Variants in POLN observed in about 807,000 individuals in gnomAD.
The protein encoded by POLN is DNA polymerase N.
POLN carries 108 observed loss-of-function variants against 113.5 expected under a neutral mutation model. That is an observed-to-expected ratio of 0.95 (90% CI 0.81 to 1.12). The LOEUF is 1.12. Ranked by LOEUF, POLN falls within the 50% of genes most tolerant of loss-of-function variation. POLN has a pLI of 0.00. For missense variants in POLN, 1,097 were observed against 1,077.1 expected (o/e 1.02, Z -0.26); for synonymous variants, 386 against 391.5 (o/e 0.99, Z 0.17).
chr4:2,156,999 T>C (rs1577728498), intron 15 of POLN, 146 bp from the exon 16 acceptor site: 2 of 674,852 alleles, frequency 3.0e-6, no homozygotes, highest in Admixed American at 2.7e-5. Flanking sequence ...AACCCTGAAA[T>C]GTCCTTGGGG....
At chr4:2,072,816 G>T in intron 25 of POLN, 152 bp downstream of exon 25, 1 of 770,530 alleles carries the variant, frequency 1.3e-6, no homozygotes, top group Non-Finnish European at 2.1e-6. Flanking sequence ...CCGGGCTTCA[G>T]GGACGGTCCA....
At chr4:2,241,187 G>A (rs1029335571) in intron 2 of POLN, 4 of 406,800 alleles carry the variant, frequency 9.8e-6, no homozygotes, top group East Asian at 4.5e-5. Context: ...ATCCGAGAGC[G>A]GGATAAATGA....
At position 2,155,896 on chromosome 4, in the gene POLN, G is replaced by A. The variant is rs139418563; in HGVS notation, c.1731+892C>T. On this transcript the variant is annotated intron_variant, in intron 16 of 25. Coordinates refer to ENST00000511885, the MANE Select transcript of POLN (RefSeq NM_181808.4). ...GTCACCCAGGCTGGAGTGCAGTGGCGTTATCTCGGCTCACTGCAAGCTCCG... is the reference window on the plus strand; with the variant it reads ...GTCACCCAGGCTGGAGTGCAGTGGCATTATCTCGGCTCACTGCAAGCTCCG... Among the ~76,000 whole-genome samples, 313 of 151,884 alleles carry A rather than the reference G, an allele frequency of 2.1e-3. 9 individuals carry two copies. The highest frequency in any genetic ancestry group is 5.3e-4 in the Non-Finnish European group (36 of 67,984).
At chr4:2,079,759 A>G (rs1464496359) in intron 23 of POLN, 16 of 784,936 alleles carry the variant, frequency 2.0e-5, no homozygotes, top group Non-Finnish European at 2.3e-5. Flanking sequence ...TAATTTTTGT[A>G]TTTTTAGTAG....
intron 19 of POLN, among the ~76,000 whole-genome samples, chr4:2,097,199 CA>C (rs1309500944): frequency 6.6e-6 from 1 of 152,138 alleles, no homozygotes; most frequent in Non-Finnish European, 1.5e-5. Flanking sequence ...TTCAGGCAGC[CA>C]CCAGACTGGT....
At chr4:2,144,905 A>T (rs989397821) in intron 16 of POLN, among the ~76,000 whole-genome samples, 2 of 152,218 alleles carry the variant, frequency 1.3e-5, no homozygotes, top group Non-Finnish European at 2.9e-5. Context: ...GGGAATACAC[A>T]TCTGTAATGA....
chr4:2,117,726 A>C (rs2108716515), intron 19 of POLN, among the ~76,000 whole-genome samples: 1 of 152,324 alleles, frequency 6.6e-6, no homozygotes, highest in East Asian at 1.9e-4. Context: ...GGCTTGGGCA[A>C]AGGTCCTGGA....
At chr4:2,180,882 T>G (rs773996053) in intron 7 of POLN, among the ~76,000 whole-genome samples, 2 of 151,616 alleles carry the variant, frequency 1.3e-5, no homozygotes, top group Non-Finnish European at 2.9e-5. Flanking sequence ...AAAATAAGAT[T>G]TAAAACAAAC....
At chr4:2,087,258 T>G (rs575247389) in intron 20 of POLN, among the ~76,000 whole-genome samples, 1 of 152,264 alleles carries the variant, frequency 6.6e-6, no homozygotes, top group African/African-American at 2.4e-5. Flanking sequence ...TTGTGATATA[T>G]TCACAAATAA....
In POLN at chr4:2,171,194, T is replaced by C. The variant is rs367807891; in HGVS notation, c.1375-13A>G. ...CCTTGAGACGAGCCTGAAAATATGA[T>C]ACACACAATTAATTTCATTCATAGT... On this transcript the variant is annotated splice_polypyrimidine_tract_variant and intron_variant, in intron 11 of 25. Coordinates refer to ENST00000511885, the MANE Select transcript of POLN (RefSeq NM_181808.4). 3 of 1,589,744 alleles carry C rather than the reference T, an allele frequency of 1.9e-6. No homozygotes were observed. Among genetic ancestry groups the C allele is most frequent in the African/African-American group, 1.4e-5 (1 of 74,026 alleles).
intron 19 of POLN, among the ~76,000 whole-genome samples, chr4:2,105,849 G>GGTGA (rs1560995422): frequency 2.5e-5 from 3 of 118,828 alleles, no homozygotes. Context: ...GATGATGATG[G>GGTGA]TGATGATAAA....
intron 9 of POLN, among the ~76,000 whole-genome samples, chr4:2,175,563 A>G (rs1732974282): frequency 6.6e-6 from 1 of 151,832 alleles, no homozygotes; most frequent in African/African-American, 2.4e-5. Context: ...AGAGCATGGA[A>G]TCTCTATTTA....
rs753730825 is a variant in POLN, at chr4:2,198,508, TG to T, written c.908+15del. On this transcript the variant is annotated intron_variant, in intron 6 of 25. Transcript: ENST00000511885. ...CATGTAAGTAGGGTGTGAGCCCATG[TG>T]TGAAGATTTCTTACCGGGCAAATTG... The T allele has an allele frequency of 6.3e-7, 1 of 1,598,944 alleles. No homozygotes were observed. Among genetic ancestry groups the T allele is most frequent in the Non-Finnish European group, 8.5e-7 (1 of 1,170,940 alleles).
intron 20 of POLN, among the ~76,000 whole-genome samples, chr4:2,095,539 G>A (rs1041483195): frequency 6.6e-6 from 1 of 152,190 alleles, no homozygotes; most frequent in African/African-American, 2.4e-5. Flanking sequence ...TGTGGACGAG[G>A]GTCTCCTCGA....
rs201741553 is a variant in POLN at position 2,188,582 on chromosome 4, CAGA to C, written c.1021+4619_1021+4621del. 1.1e-3 allele frequency among the ~76,000 whole-genome samples: 172 copies of C among 151,746 alleles called. 2 individuals are homozygous for C. The East Asian group carries it at 0.031, about 28-fold the overall frequency. Reference sequence around the variant, plus strand: ...CGCCACTGCACTCCAGCCTGGGCAACAGAAGGAGACTCCATCTCAAAAAAAACA... The same window carrying C: ...CGCCACTGCACTCCAGCCTGGGCAACAGGAGACTCCATCTCAAAAAAAACA... On this transcript the variant is annotated intron_variant, in intron 7 of 25. Transcript: ENST00000511885.
At chr4:2,216,434 C>T (rs1734114685) in intron 3 of POLN, among the ~76,000 whole-genome samples, 1 of 152,236 alleles carries the variant, frequency 6.6e-6, no homozygotes, top group Non-Finnish European at 1.5e-5. Context: ...GCAGTGCAGA[C>T]TGCACCCTGG....
At chr4:2,172,693 G>A (rs927021130) in intron 11 of POLN, among the ~76,000 whole-genome samples, 3 of 152,176 alleles carry the variant, frequency 2.0e-5, no homozygotes, top group African/African-American at 7.2e-5. Flanking sequence ...GGGAAGTGAG[G>A]ATGTGCAAGA....
chr4:2,083,972 G>C (rs549251018), intron 21 of POLN, among the ~76,000 whole-genome samples: 383 of 152,366 alleles, frequency 2.5e-3, no homozygotes, highest in Non-Finnish European at 4.0e-3. Context: ...GAGTGAGTCT[G>C]CTCCAGCTGG....
chr4:2,178,150 G>A (rs1264840905), intron 8 of POLN, among the ~76,000 whole-genome samples: 3 of 151,982 alleles, frequency 2.0e-5, no homozygotes, highest in African/African-American at 7.3e-5. Flanking sequence ...CTCAGTGCCT[G>A]GTGCCTGACA....
Sources: gnomAD v4.1 joint callset for allele counts (sites outside exome capture counted in the v4.1 genomes callset) on GRCh38, gnomAD v4.1.1 for gene constraint, MANE v1.5 for transcripts, NCBI Gene and HGNC (gene_info 2026-07-23, HGNC 2026-07-21) for gene names.